Variants in SRGAP3 observed in about 807,000 individuals in gnomAD.
The protein encoded by SRGAP3 is SLIT-ROBO Rho GTPase activating protein 3.
In SRGAP3, 39 loss-of-function variants were observed where a neutral mutation model predicts 121.1. The observed-to-expected ratio is 0.32, with a 90% CI of 0.25 to 0.42. The LOEUF is 0.42. Among genes scored for constraint, SRGAP3 ranks in the 10% least tolerant of loss-of-function variants. The pLI, the probability that SRGAP3 is intolerant of heterozygous loss-of-function variation, is 1.00. For missense variants in SRGAP3, 1,213 were observed against 1,470.6 expected, an observed-to-expected ratio of 0.82 and a Z score of 2.86; for synonymous variants, 601 against 570.0, an observed-to-expected ratio of 1.05 and a Z score of -0.77.
intron 3 of SRGAP3, among the ~76,000 whole-genome samples, chr3:9,290,972 G>A (rs937795504): frequency 2.6e-5 from 4 of 152,068 alleles, no homozygotes; most frequent in African/African-American, 9.7e-5. Flanking sequence ...GTGTGTTCTG[G>A]GCTAAGCTAT....
intron 3 of SRGAP3, among the ~76,000 whole-genome samples, chr3:9,261,008 G>A (rs551588494): frequency 9.8e-5 from 15 of 152,336 alleles, no homozygotes; most frequent in African/African-American, 3.6e-4. Context: ...GGAAGAAGCA[G>A]GCAGCAATCT....
At chr3:9,292,549 T>A (rs1954886868) in intron 3 of SRGAP3, 1 of 152,190 alleles carries the variant, frequency 6.6e-6, no homozygotes, top group African/African-American at 2.4e-5. Flanking sequence ...CTTTGAAATG[T>A]TTTTTGTCTA....
chr3:9,170,726 G>GT (rs1950947449), intron 1 of SRGAP3, among the ~76,000 whole-genome samples: 1 of 152,232 alleles, frequency 6.6e-6, no homozygotes, highest in Admixed American at 6.5e-5. Context: ...CTTCACAAGC[G>GT]TGGGTCTGAG....
chr3:9,058,712 CTCTTT>C (rs1945966168), intron 6 of SRGAP3: 95 of 410,512 alleles, frequency 2.3e-4, no homozygotes, highest in East Asian at 8.3e-4. Context: ...CTTTCTCTCT[CTCTTT>C]TTTTTTTTTT....
intron 18 of SRGAP3, chr3:9,008,338 G>A (rs1245069863): frequency 6.6e-6 from 1 of 152,266 alleles, no homozygotes; most frequent in African/African-American, 2.4e-5. Context: ...CTGCCCATCA[G>A]CCCGAGGAGC....
At chr3:9,344,644 AC>A (rs913419780) in intron 1 of SRGAP3, among the ~76,000 whole-genome samples, 2 of 89,750 alleles carry the variant, frequency 2.2e-5, no homozygotes, top group African/African-American at 7.0e-5. Context: ...AAAACAAAAA[AC>A]AAAAAAAAAG....
At chr3:9,359,576 T>A (rs2030690380) in intron 1 of SRGAP3, among the ~76,000 whole-genome samples, 1 of 152,224 alleles carries the variant, frequency 6.6e-6, no homozygotes, top group South Asian at 2.1e-4. Context: ...TCTTGGCCTC[T>A]CTGTGCAGCA....
chr3:9,179,880 C>T (rs1951317237), intron 1 of SRGAP3, among the ~76,000 whole-genome samples: 1 of 152,240 alleles, frequency 6.6e-6, no homozygotes, highest in African/African-American at 2.4e-5. Context: ...CTTGCACACC[C>T]ACTTTGGGCT....
intron 1 of SRGAP3, among the ~76,000 whole-genome samples, chr3:9,185,672 T>C (rs1438511579): frequency 1.3e-5 from 2 of 152,036 alleles, no homozygotes; most frequent in Admixed American, 6.6e-5. Flanking sequence ...GCTGGGACTA[T>C]AGGCGTGTGT....
intron 1 of SRGAP3, among the ~76,000 whole-genome samples, chr3:9,187,012 T>C (rs980876138): frequency 4.6e-5 from 7 of 152,212 alleles, no homozygotes; most frequent in Admixed American, 3.9e-4. Flanking sequence ...GTGCAGAACA[T>C]GCAGGTTTGT....
At chr3:9,303,611 A>G (rs1955106227) in intron 3 of SRGAP3, among the ~76,000 whole-genome samples, 1 of 152,170 alleles carries the variant, frequency 6.6e-6, no homozygotes, top group Non-Finnish European at 1.5e-5. Flanking sequence ...GTGATGTGAT[A>G]AGCCTTGTTC....
At chr3:9,163,479 C>G in intron 1 of SRGAP3, among the ~76,000 whole-genome samples, 1 of 152,206 alleles carries the variant, frequency 6.6e-6, no homozygotes, top group Non-Finnish European at 1.5e-5. Flanking sequence ...TGTGGCTGCC[C>G]CTTGGCCTTC....
At chr3:9,067,941 G>A (rs1018137479) in intron 4 of SRGAP3, among the ~76,000 whole-genome samples, 1 of 152,158 alleles carries the variant, frequency 6.6e-6, no homozygotes, top group Non-Finnish European at 1.5e-5. Flanking sequence ...TGGATGGAAT[G>A]TAAAGAAGAA....
In SRGAP3 at chr3:9,018,479, A is replaced by G. The variant is rs141781831; in HGVS notation, c.1679-2748T>C. Among the ~76,000 whole-genome samples, 824 of 152,296 alleles carry G rather than the reference A, an allele frequency of 5.4e-3. 8 individuals are homozygous for G. The highest frequency in any genetic ancestry group is 0.019 in the African/African-American group (798 of 41,564). On this transcript the variant is annotated intron_variant, in intron 14 of 21. Coordinates refer to ENST00000383836, the MANE Select transcript of SRGAP3 (RefSeq NM_014850.4). Reference sequence around the variant, plus strand: ...TAATTTACATTCCCACCCACAGTATATAAGAGTTCCCTTTTCCCTGCATCC... The same window carrying G: ...TAATTTACATTCCCACCCACAGTATGTAAGAGTTCCCTTTTCCCTGCATCC...
Position 9,026,954 on chromosome 3 carries a change from G to T in SRGAP3, c.1581C>A (p.Ile527=). The T allele has an allele frequency of 6.2e-7, 1 of 1,614,182 alleles. No homozygotes were observed. Reference sequence around the variant, plus strand: ...GCTTACCATATAAATTGATGTAACGGATGCAGCTCTCGACTACAAGCGGTA... The same window carrying T: ...GCTTACCATATAAATTGATGTAACGTATGCAGCTCTCGACTACAAGCGGTA... The part of the protein sequence containing the change: ...QAIPLVVESC[I]RYINLYGLQQ... The change falls in exon 13 of 22, where the codon ATC becomes ATA. Residue 527 remains isoleucine, a synonymous_variant. Coordinates refer to ENST00000383836, the MANE Select transcript of SRGAP3 (RefSeq NM_014850.4).
chr3:9,135,258 T>C (rs1037639302), intron 1 of SRGAP3, among the ~76,000 whole-genome samples: 1 of 152,218 alleles, frequency 6.6e-6, no homozygotes, highest in Non-Finnish European at 1.5e-5. Context: ...TTATAACTTC[T>C]TTCTGTGGCC....
Position 9,175,977 on chromosome 3 carries a change from G to A in SRGAP3, c.68-51060C>T, listed in dbSNP as rs151219320. On this transcript the variant is annotated intron_variant, in intron 1 of 21. Coordinates refer to ENST00000383836, the MANE Select transcript of SRGAP3 (RefSeq NM_014850.4). ...CACTCTGTCACCCAGGCTGGAGTGC[G>A]ATGGCGCAGTCTCGGCTCACTGCAA... Among the ~76,000 whole-genome samples the A allele has an allele frequency of 1.7e-3, 256 of 152,178 alleles. 1 individual carries two copies. Among genetic ancestry groups the A allele is most frequent in the East Asian group, 0.014 (75 of 5,182 alleles).
chr3:9,009,833 G>A (rs917373571), intron 18 of SRGAP3, among the ~76,000 whole-genome samples: 7 of 152,008 alleles, frequency 4.6e-5, no homozygotes, highest in African/African-American at 1.2e-4. Context: ...TGGCATTATC[G>A]CTTTGCACCA....
At chr3:9,320,180 T>TG (rs1955416946) in intron 3 of SRGAP3, among the ~76,000 whole-genome samples, 1 of 151,908 alleles carries the variant, frequency 6.6e-6, no homozygotes. Flanking sequence ...TAAGTAAACT[T>TG]GGAGCTGGCA....
Sources: gnomAD v4.1 joint callset for allele counts (sites outside exome capture counted in the v4.1 genomes callset) on GRCh38, gnomAD v4.1.1 for gene constraint, MANE v1.5 for transcripts, NCBI Gene and HGNC (gene_info 2026-07-23, HGNC 2026-07-21) for gene names.